The following ROBO2 variants were observed in gnomAD, a reference collection of about 807,000 sequenced individuals.
ROBO2 encodes the protein roundabout homolog 2.
ROBO2 carries 53 observed loss-of-function variants against 160.8 expected under a neutral mutation model. That is an observed-to-expected ratio of 0.33 (90% CI 0.26 to 0.41). ROBO2 has a LOEUF of 0.41. ROBO2 is among the 10% of genes least tolerant of loss of function. The probability of loss-of-function intolerance (pLI) is 1.00; values close to 1 mark genes in which losing one functional copy is unlikely to be tolerated. For missense variants in ROBO2, 1,577 were observed against 1,722.4 expected, an observed-to-expected ratio of 0.92 and a Z score of 1.49; for synonymous variants, 664 against 611.7, an observed-to-expected ratio of 1.09 and a Z score of -1.26.
intron 2 of ROBO2, among the ~76,000 whole-genome samples, chr3:76,670,851 A>G (rs543535007): frequency 4.0e-5 from 6 of 151,476 alleles, no homozygotes; most frequent in Non-Finnish European, 8.8e-5. Context: ...TGTTATTTTC[A>G]TGCTATTATT....
intron 7 of ROBO2, among the ~76,000 whole-genome samples, chr3:77,546,925 C>T (rs1246070211): frequency 6.6e-6 from 1 of 152,096 alleles, no homozygotes; most frequent in Non-Finnish European, 1.5e-5. Flanking sequence ...AATGACTTTT[C>T]TTACCCTTAA....
chr3:76,944,722 C>G (rs555943462), intron 2 of ROBO2, among the ~76,000 whole-genome samples: 2 of 152,180 alleles, frequency 1.3e-5, no homozygotes, highest in South Asian at 4.2e-4. Context: ...AGATTATCTT[C>G]TAATGGTTGA....
intron 2 of ROBO2, among the ~76,000 whole-genome samples, chr3:76,030,210 G>T (rs1461457392): frequency 2.0e-5 from 3 of 152,108 alleles, no homozygotes; most frequent in Non-Finnish European, 4.4e-5. Context: ...TTTTGATGGG[G>T]TCGTTTGCTT....
At chr3:76,404,835 C>T (rs974365240) in intron 2 of ROBO2, among the ~76,000 whole-genome samples, 27 of 151,486 alleles carry the variant, frequency 1.8e-4, no homozygotes, top group Admixed American at 5.9e-4. Flanking sequence ...ACGATAATTC[C>T]GAATTTTTGT....
At chr3:76,165,175 C>G (rs1440359681) in intron 2 of ROBO2, among the ~76,000 whole-genome samples, 1 of 152,132 alleles carries the variant, frequency 6.6e-6, no homozygotes, top group East Asian at 1.9e-4. Context: ...TGTTTTGTCT[C>G]CATTGAAAAG....
At chr3:76,624,407 A>G (rs900709183) in intron 2 of ROBO2, among the ~76,000 whole-genome samples, 1 of 152,174 alleles carries the variant, frequency 6.6e-6, no homozygotes, top group Non-Finnish European at 1.5e-5. Flanking sequence ...TTATAGAGCC[A>G]GGCTTTCTCT....
intron 2 of ROBO2, among the ~76,000 whole-genome samples, chr3:76,049,094 C>T (rs890385637): frequency 1.3e-5 from 2 of 152,084 alleles, no homozygotes; most frequent in Non-Finnish European, 2.9e-5. Context: ...AGAGAGTTCT[C>T]AGGATGAGGG....
rs565093254 is a variant in ROBO2 at position 75,978,997 on chromosome 3, A to G, written c.109+41395A>G. On this transcript the variant is annotated intron_variant, in intron 2 of 26. Coordinates refer to the ROBO2 transcript ENST00000487694. ...GAATGAGAAATTAGAACGAAGGTGA[A>G]TACTCTCAGCTGAGGGCAAACTATG... Among the ~76,000 whole-genome samples the G allele has an allele frequency of 4.0e-4, 61 of 151,590 alleles. 1 individual carries two copies. In the Middle Eastern group the frequency reaches 0.017, roughly 42 times the overall value.
chr3:76,234,961 A>AT (rs1704850654), intron 2 of ROBO2, among the ~76,000 whole-genome samples: 1 of 150,882 alleles, frequency 6.6e-6, no homozygotes, highest in African/African-American at 2.4e-5. Flanking sequence ...GGTTTAGAAG[A>AT]TAAAAATTTG....
At chr3:77,108,940 A>G (rs2150160162) in intron 2 of ROBO2, among the ~76,000 whole-genome samples, 1 of 152,232 alleles carries the variant, frequency 6.6e-6, no homozygotes, top group Middle Eastern at 3.4e-3. Flanking sequence ...TGTTATTTGG[A>G]AGTGAGGTGT....
At chr3:77,374,812 A>G (rs539135227) in intron 2 of ROBO2, among the ~76,000 whole-genome samples, 1 of 152,348 alleles carries the variant, frequency 6.6e-6, no homozygotes, top group South Asian at 2.1e-4. Context: ...AATTCAGCAA[A>G]AATACTTGAC....
At chr3:76,781,004 T>A (rs921746721) in intron 2 of ROBO2, among the ~76,000 whole-genome samples, 1 of 150,788 alleles carries the variant, frequency 6.6e-6, no homozygotes, top group Non-Finnish European at 1.5e-5. Context: ...TCACTTTAGG[T>A]ATTATGAACA....
At position 75,997,585 on chromosome 3, in the gene ROBO2, C is replaced by T. The variant is rs370593636; in HGVS notation, c.109+59983C>T. Among the ~76,000 whole-genome samples, 24 of 149,876 alleles carry T rather than the reference C, an allele frequency of 1.6e-4. No individual in the cohort carries two copies. The South Asian group carries it at 4.4e-3, about 28-fold the overall frequency. Reference sequence around the variant, plus strand: ...TCGGCTTACTGCAAGCTCTGCCTCCCGGGTTCATGCCATTCTCCTGCCCAG... The same window carrying T: ...TCGGCTTACTGCAAGCTCTGCCTCCTGGGTTCATGCCATTCTCCTGCCCAG... On this transcript the variant is annotated intron_variant, in intron 2 of 26. Transcript: ENST00000487694.
At chr3:77,044,079 T>C (rs550639373) in intron 1 of ROBO2, among the ~76,000 whole-genome samples, 6 of 152,152 alleles carry the variant, frequency 3.9e-5, no homozygotes, top group African/African-American at 1.4e-4. Context: ...CATGTTTGAA[T>C]TGGCTTTGTT....
chr3:77,090,605 C>T (rs1187847838), intron 1 of ROBO2, among the ~76,000 whole-genome samples: 9 of 151,896 alleles, frequency 5.9e-5, no homozygotes, highest in African/African-American at 9.7e-5. Flanking sequence ...CTGCCCGCCT[C>T]GGCCTCCCAA....
At chr3:77,618,857 T>C (rs1159974812) in intron 22 of ROBO2, among the ~76,000 whole-genome samples, 1 of 152,202 alleles carries the variant, frequency 6.6e-6, no homozygotes. Context: ...AACGCTGTTA[T>C]TTTTCATCAA....
At position 76,035,546 on chromosome 3, in the gene ROBO2, C is replaced by T. The variant is rs563430946; in HGVS notation, c.109+97944C>T. On this transcript the variant is annotated intron_variant, in intron 2 of 26. Transcript: ENST00000487694. ...CTCCTCTATGCCATAAAATAACCAG[C>T]AGACTGTTTAAGAGCCACCAGCAAC... is the stretch of plus-strand genomic sequence containing the variant. Among the ~76,000 whole-genome samples, 3 of 152,062 alleles carry T rather than the reference C, an allele frequency of 2.0e-5. No individual in the cohort carries two copies. In the East Asian group the frequency reaches 5.8e-4, roughly 29 times the overall value.
intron 2 of ROBO2, among the ~76,000 whole-genome samples, chr3:76,372,722 A>G (rs2076164885): frequency 6.6e-6 from 1 of 151,920 alleles, no homozygotes; most frequent in African/African-American, 2.4e-5. Context: ...CAATGCTTGC[A>G]CATGCTTTTA....
intron 1 of ROBO2, among the ~76,000 whole-genome samples, chr3:77,082,075 C>T (rs2068723819): frequency 6.6e-6 from 1 of 152,082 alleles, no homozygotes; most frequent in Non-Finnish European, 1.5e-5. Context: ...ATTGATATAA[C>T]TTGGTCATAA....
Sources: allele counts gnomAD v4.1 joint callset (sites outside exome capture counted in the v4.1 genomes callset), GRCh38; gene constraint gnomAD v4.1.1; transcripts MANE v1.5; gene names NCBI Gene and HGNC (gene_info 2026-07-23, HGNC 2026-07-21).